The following RHBDL2 variants were observed in gnomAD, a reference collection of about 807,000 sequenced individuals.
The protein encoded by RHBDL2 is rhomboid like 2, also known as rhomboid-related protein 2.
Under a neutral mutation model 31.7 loss-of-function variants are expected in RHBDL2, and 26 were observed. The ratio of observed to expected loss-of-function variants is 0.82; its 90% confidence interval spans 0.60 to 1.14. The LOEUF (loss-of-function observed/expected upper bound fraction) is 1.14, where lower values mean the gene tolerates loss of function less well. Among genes scored for constraint, RHBDL2 ranks in the 50% most tolerant of loss-of-function variants. The pLI is 0.00. For missense variants in RHBDL2, 336 were observed against 364.4 expected, an observed-to-expected ratio of 0.92 and a Z score of 0.63; for synonymous variants, 123 against 127.2, an observed-to-expected ratio of 0.97 and a Z score of 0.22.
At chr1:38,937,038 C>G (rs546082385) in intron 1 of RHBDL2, among the ~76,000 whole-genome samples, 78 of 151,930 alleles carry the variant, frequency 5.1e-4, no homozygotes, top group Non-Finnish European at 9.3e-4. Context: ...TGCTCCGCCT[C>G]CCGGGTTCAC....
chr1:38,887,876 TA>T (rs2124297104), intron 7 of RHBDL2, 86 bp downstream of exon 7: 2 of 963,188 alleles, frequency 2.1e-6, no homozygotes, highest in East Asian at 2.5e-5. Flanking sequence ...TTGGCTGCCC[TA>T]AATCACAGCG....
At chr1:38,936,339 C>T (rs2124357103) in intron 1 of RHBDL2, among the ~76,000 whole-genome samples, 1 of 150,760 alleles carries the variant, frequency 6.6e-6, no homozygotes, top group South Asian at 2.1e-4. Context: ...GATGGAGTCT[C>T]ACTCTGTTGC....
rs11211574 is a variant in RHBDL2, at chr1:38,892,773, A to G, written c.670+391T>C. ...CAGAGCACATAGCACTGCTCCAACA[A>G]TTGAATTCTCCACAAGCCCAGCTGC... On this transcript the variant is annotated intron_variant, in intron 6 of 7. Transcript: ENST00000372990. Among the ~76,000 whole-genome samples the G allele has an allele frequency of 2.7e-3, 412 of 152,336 alleles. 2 individuals are homozygous for G. The highest frequency in any genetic ancestry group is 6.5e-3 in the African/African-American group (272 of 41,576).
At chr1:38,904,403 C>T (rs1553158511) in intron 4 of RHBDL2, among the ~76,000 whole-genome samples, 1 of 151,244 alleles carries the variant, frequency 6.6e-6, no homozygotes, top group African/African-American at 2.4e-5. Flanking sequence ...AACCCGGAGG[C>T]GGAATTTGCA....
intron 1 of RHBDL2, among the ~76,000 whole-genome samples, chr1:38,939,638 G>A (rs900673131): frequency 6.6e-6 from 1 of 152,068 alleles, no homozygotes; most frequent in African/African-American, 2.4e-5. Context: ...GGGCCACAGA[G>A]TGAGGCTCCA....
At chr1:38,906,280 T>C (rs1056531622) in intron 4 of RHBDL2, among the ~76,000 whole-genome samples, 4 of 152,094 alleles carry the variant, frequency 2.6e-5, no homozygotes, top group African/African-American at 9.7e-5. Context: ...TATTTATAGA[T>C]GACATGATGA....
intron 4 of RHBDL2, among the ~76,000 whole-genome samples, chr1:38,901,290 T>C (rs1174108225): frequency 4.6e-5 from 7 of 150,588 alleles, no homozygotes; most frequent in East Asian, 2.0e-4. Flanking sequence ...GGCGAAACCC[T>C]GTCTCTACTA....
intron 1 of RHBDL2, among the ~76,000 whole-genome samples, chr1:38,938,163 G>A (rs974460157): frequency 6.6e-6 from 1 of 151,826 alleles, no homozygotes; most frequent in Non-Finnish European, 1.5e-5. Context: ...GACTACAGGT[G>A]CACGCCACCA....
intron 4 of RHBDL2, among the ~76,000 whole-genome samples, chr1:38,909,545 C>G (rs530093587): frequency 1.8e-4 from 28 of 151,684 alleles, no homozygotes; most frequent in South Asian, 8.4e-4. Context: ...AGTTCGAGAC[C>G]AGCCTGGCCA....
At chr1:38,929,534 T>C (rs1643417186) in intron 1 of RHBDL2, 1 of 1,289,386 alleles carries the variant, frequency 7.8e-7, no homozygotes, top group South Asian at 1.2e-5. Context: ...TTTAAATATC[T>C]GAATTGTTTT....
chr1:38,920,639 C>T (rs561409987), intron 1 of RHBDL2, among the ~76,000 whole-genome samples: 2 of 146,814 alleles, frequency 1.4e-5, no homozygotes, highest in East Asian at 4.2e-4. Context: ...CAGAGTCTCG[C>T]TCTGTCGCCC....
chr1:38,888,911 T>C (rs984101028), intron 6 of RHBDL2, among the ~76,000 whole-genome samples: 2 of 152,174 alleles, frequency 1.3e-5, no homozygotes, highest in Admixed American at 6.5e-5. Flanking sequence ...CCAACAACTT[T>C]GTTTTAACAA....
chr1:38,930,183 G>A (rs1273456299), intron 1 of RHBDL2, among the ~76,000 whole-genome samples: 1 of 152,138 alleles, frequency 6.6e-6, no homozygotes, highest in Non-Finnish European at 1.5e-5. Context: ...GTCACATGCA[G>A]GGCCTCTCGG....
chr1:38,897,055 G>T (rs1371212185), intron 4 of RHBDL2, among the ~76,000 whole-genome samples: 3 of 151,894 alleles, frequency 2.0e-5, no homozygotes, highest in African/African-American at 7.3e-5. Flanking sequence ...TGGAGTCCTT[G>T]CTACTCTGAG....
At chr1:38,906,489 A>G (rs1643069222) in intron 4 of RHBDL2, among the ~76,000 whole-genome samples, 1 of 152,058 alleles carries the variant, frequency 6.6e-6, no homozygotes, top group Non-Finnish European at 1.5e-5. Flanking sequence ...CCTGGCTAAC[A>G]CGGTGAAACC....
intron 1 of RHBDL2, among the ~76,000 whole-genome samples, chr1:38,927,436 G>A (rs546408325): frequency 6.6e-6 from 1 of 151,784 alleles, no homozygotes; most frequent in African/African-American, 2.4e-5. Context: ...CAAAAAAAAA[G>A]AAAAGAAAAG....
chr1:38,886,233 G>A lies in RHBDL2; in HGVS notation c.*271C>T, dbSNP rs1642781503. On this transcript the variant is annotated 3_prime_UTR_variant, in exon 8 of 8. Transcript: ENST00000372990. ...GCCTCCCAAAGTGCTGGGATTACAG[G>A]CGTGAGCCACTGCGCCTGGCCCCAA... The A allele has an allele frequency of 4.9e-6, 1 of 204,720 alleles. No individual in the cohort carries two copies. The highest frequency in any genetic ancestry group is 9.8e-6 in the Non-Finnish European group (1 of 102,110). 12.7% of individuals were successfully genotyped at this position (204,720 alleles called of 1,614,324 possible). A position where few individuals can be genotyped will look rare whatever the true frequency, so the allele number is the denominator to read the frequency against.
intron 2 of RHBDL2, among the ~76,000 whole-genome samples, chr1:38,917,553 A>T (rs1391182115): frequency 5.9e-5 from 9 of 152,128 alleles, no homozygotes; most frequent in African/African-American, 2.2e-4. Flanking sequence ...AGACACACAC[A>T]CAGCTGATTG....
chr1:38,904,479 A>G (rs899045699), intron 4 of RHBDL2, among the ~76,000 whole-genome samples: 1 of 136,746 alleles, frequency 7.3e-6, no homozygotes, highest in African/African-American at 3.0e-5. Context: ...CTCAAAAAAA[A>G]AAGAAAAAAA....
Sources: allele counts gnomAD v4.1 joint callset (sites outside exome capture counted in the v4.1 genomes callset), GRCh38; gene constraint gnomAD v4.1.1; transcripts MANE v1.5; gene names NCBI Gene and HGNC (gene_info 2026-07-23, HGNC 2026-07-21).